The following RASSF3 variants were observed in gnomAD, a reference collection of about 807,000 sequenced individuals.
The protein encoded by RASSF3 is ras association domain-containing protein 3.
A neutral mutation model predicts 19.9 loss-of-function variants in RASSF3; 19 were observed. The observed-to-expected ratio is 0.96, with a 90% confidence interval of 0.67 to 1.40. The LOEUF (loss-of-function observed/expected upper bound fraction) is 1.40, where lower values mean the gene tolerates loss of function less well. Among genes scored for constraint, RASSF3 ranks in the 40% most tolerant of loss-of-function variants. RASSF3 has a pLI of 0.00. For synonymous variants in RASSF3, 110 were observed against 104.2 expected (o/e 1.06, Z -0.34); for missense variants, 306 against 289.8 (o/e 1.06, Z -0.41).
chr12:64,680,093 C>G (rs1873066331), intron 1 of RASSF3, among the ~76,000 whole-genome samples: 1 of 152,178 alleles, frequency 6.6e-6, no homozygotes, highest in African/African-American at 2.4e-5. Context: ...GTTTTCTTCT[C>G]TTCCTTTTTC....
At chr12:64,608,065 G>A (rs1870224190), upstream of RASSF3, among the ~76,000 whole-genome samples, 1 of 151,922 alleles carries the variant, frequency 6.6e-6, no homozygotes, top group African/African-American at 2.4e-5. Flanking sequence ...CACCATGCCT[G>A]GCCTAATCAT....
intron 1 of RASSF3, among the ~76,000 whole-genome samples, chr12:64,670,029 G>T (rs1034815342): frequency 6.8e-6 from 1 of 146,450 alleles, no homozygotes; most frequent in African/African-American, 2.5e-5. Context: ...GGCAGTATCA[G>T]TTTTTTTTTT....
At chr12:64,626,644 C>T (rs1446656024) in intron 1 of RASSF3, among the ~76,000 whole-genome samples, 1 of 152,084 alleles carries the variant, frequency 6.6e-6, no homozygotes, top group African/African-American at 2.4e-5. Flanking sequence ...TGTAGCTAGC[C>T]TTGAACTCCT....
intron 1 of RASSF3, among the ~76,000 whole-genome samples, chr12:64,635,978 TTTC>T (rs1387178104): frequency 2.0e-5 from 3 of 152,344 alleles, no homozygotes; most frequent in Non-Finnish European, 2.9e-5. Flanking sequence ...CGAAACTATA[TTTC>T]TTATGAACAT....
intron 2 of RASSF3, among the ~76,000 whole-genome samples, chr12:64,572,970 A>G (rs903821239): frequency 3.9e-5 from 6 of 152,206 alleles, no homozygotes; most frequent in Non-Finnish European, 5.9e-5. Context: ...CCTGACCTCA[A>G]GTGATCCTCT....
At chr12:64,629,141 C>T (rs35648703) in intron 1 of RASSF3, among the ~76,000 whole-genome samples, 17,817 of 151,278 alleles carry the variant, frequency 0.12, 1,385 homozygotes, top group South Asian at 0.25. Flanking sequence ...CTCACTCTGT[C>T]GTCCAGGCTG....
chr12:64,518,109 ATAAT>A (rs939433500), intron 1 of RASSF3, among the ~76,000 whole-genome samples: 3 of 152,218 alleles, frequency 2.0e-5, no homozygotes, highest in Non-Finnish European at 4.4e-5. Context: ...AAAATAAAAA[ATAAT>A]TAAAAAGATA....
intron 1 of RASSF3, chr12:64,541,548 C>G (rs892998419): frequency 1.3e-5 from 5 of 398,294 alleles, no homozygotes; most frequent in Non-Finnish European, 2.2e-5. Flanking sequence ...CGACACAGAC[C>G]TAACTGGGAA....
chr12:64,614,030 G>A (rs1490544561), intron 1 of RASSF3, among the ~76,000 whole-genome samples: 1 of 152,118 alleles, frequency 6.6e-6, no homozygotes, highest in African/African-American at 2.4e-5. Context: ...TATTGTATCC[G>A]CAGGGTCTCG....
chr12:64,569,442 G>C (rs772963589), intron 2 of RASSF3, among the ~76,000 whole-genome samples: 8 of 152,274 alleles, frequency 5.3e-5, no homozygotes, highest in Non-Finnish European at 7.4e-5. Flanking sequence ...CACCTGTGGT[G>C]TTGGCCCCTT....
intron 1 of RASSF3, among the ~76,000 whole-genome samples, chr12:64,642,961 G>A (rs77993948): frequency 1.3e-5 from 2 of 151,766 alleles, no homozygotes; most frequent in African/African-American, 4.8e-5. Flanking sequence ...CGCCTCTGGG[G>A]TTCAAGTGAT....
intron 2 of RASSF3, among the ~76,000 whole-genome samples, chr12:64,569,421 C>T (rs1404744119): frequency 6.6e-6 from 1 of 152,240 alleles, no homozygotes; most frequent in Non-Finnish European, 1.5e-5. Flanking sequence ...TTGTGCAGTG[C>T]ACAAACTCCA....
At chr12:64,553,637 C>T (rs1869203204) in intron 2 of RASSF3, among the ~76,000 whole-genome samples, 1 of 152,092 alleles carries the variant, frequency 6.6e-6, no homozygotes, top group Non-Finnish European at 1.5e-5. Context: ...GGTGACCATC[C>T]AGCCTCTACG....
chr12:64,648,605 C>G (rs1447025752), intron 1 of RASSF3, among the ~76,000 whole-genome samples: 10 of 151,736 alleles, frequency 6.6e-5, no homozygotes. Context: ...GCCTCAGCCT[C>G]CCAAGTAGCT....
chr12:64,550,100 C>T (rs1869132656), intron 2 of RASSF3, among the ~76,000 whole-genome samples: 1 of 152,050 alleles, frequency 6.6e-6, no homozygotes, highest in South Asian at 2.1e-4. Flanking sequence ...GCGCCCCCCA[C>T]CCCCTTCCCA....
chr12:64,641,414 A>ACACACGCGCACGCGCGCGCGCGCG, intron 1 of RASSF3, among the ~76,000 whole-genome samples: 1 of 142,100 alleles, frequency 7.0e-6, no homozygotes, highest in African/African-American at 2.8e-5. Flanking sequence ...ACACACACAC[A>ACACACGCGCACGCGCGCGCGCGCG]CGCGCGCGCG....
intron 2 of RASSF3, among the ~76,000 whole-genome samples, chr12:64,592,785 T>G (rs1275678962): frequency 6.6e-6 from 1 of 152,114 alleles, no homozygotes; most frequent in Admixed American, 6.6e-5. Context: ...TACAGGTGCA[T>G]GCCAAGATGC....
chr12:64,523,895 G>C (rs1371844217), intron 1 of RASSF3, among the ~76,000 whole-genome samples: 1 of 151,964 alleles, frequency 6.6e-6, no homozygotes, highest in African/African-American at 2.4e-5. Flanking sequence ...TTTCAATAAA[G>C]AGGACTTCAT....
At chr12:64,608,826 A>G (rs1273053144), upstream of RASSF3, among the ~76,000 whole-genome samples, 2 of 152,194 alleles carry the variant, frequency 1.3e-5, no homozygotes, top group African/African-American at 4.8e-5. Context: ...CTATTCTCCT[A>G]CATTAGATTA....
Sources: gnomAD v4.1 joint callset for allele counts (sites outside exome capture counted in the v4.1 genomes callset) on GRCh38, gnomAD v4.1.1 for gene constraint, MANE v1.5 for transcripts, NCBI Gene and HGNC (gene_info 2026-07-23, HGNC 2026-07-21) for gene names.